The following TRIM26 variants were observed in gnomAD, a reference collection of about 807,000 sequenced individuals.
TRIM26 encodes tripartite motif containing 26, also known as tripartite motif-containing protein 26.
In TRIM26, 16 loss-of-function variants were observed where a neutral mutation model predicts 45.5. The observed-to-expected ratio is 0.35, with a 90% CI of 0.24 to 0.53. The LOEUF is 0.53. Among genes scored for constraint, TRIM26 ranks in the 20% least tolerant of loss-of-function variants. TRIM26 has a pLI of 0.92. For missense variants in TRIM26, 442 were observed against 691.1 expected, an observed-to-expected ratio of 0.64 and a Z score of 4.04; for synonymous variants, 273 against 290.4, an observed-to-expected ratio of 0.94 and a Z score of 0.61.
chr6:30,198,894 T>C lies in TRIM26; in HGVS notation c.210A>G (p.Gln70=). 1 of 1,612,844 alleles carries C rather than the reference T, an allele frequency of 6.2e-7. No homozygotes were observed. The highest frequency in any genetic ancestry group is 2.2e-5 in the East Asian group (1 of 44,872). ...CAATGTTCTCCACCAGGCTGGCCAG[T>C]TGCCACACGGGTCGGATGTTCTCCT... ...FKKENIRPVW[Q]LASLVENIER... is the part of the protein sequence containing the mutation. The change falls in exon 4 of 10, where the codon CAA becomes CAG. Residue 70 remains glutamine (Q), a synonymous_variant. Transcript: ENST00000454678. This position sits in a 1 kb window ranked among gnomAD's most constrained non-coding sequence, Gnocchi z 6.3.
chr6:30,193,130 ACATATATGTGTG>A (rs768408592), intron 6 of TRIM26, among the ~76,000 whole-genome samples: 1,306 of 63,302 alleles, frequency 0.021, 83 homozygotes, highest in East Asian at 0.053. Flanking sequence ...ATATATATAT[ACATATATGTGTG>A]TGTGTGTGTG....
At position 30,196,790 on chromosome 6, in the gene TRIM26, G is replaced by C; in HGVS notation, c.535-44C>G. On this transcript the variant is annotated intron_variant, in intron 5 of 9. Transcript: ENST00000454678. This position sits in a 1 kb window ranked among gnomAD's most constrained non-coding sequence, Gnocchi z 4.9. Reference sequence around the variant, plus strand: ...GGAGAAGGGCTGACACCTCTGCTCAGGGTGGAGGGCCCAGTGCTGGAGGTG... The same window carrying C: ...GGAGAAGGGCTGACACCTCTGCTCACGGTGGAGGGCCCAGTGCTGGAGGTG... The C allele has an allele frequency of 6.3e-7, 1 of 1,599,866 alleles. No individual in the cohort carries two copies. Among genetic ancestry groups the C allele is most frequent in the East Asian group, 2.2e-5 (1 of 44,700 alleles).
rs1369656785 is a variant in TRIM26 at position 30,198,932 on chromosome 6, T to C, written c.172A>G (p.Lys58Glu). ...GSRPVCPLCK[K>E]PFKKENIRPV... ...CGGATGTTCTCCTTCTTAAAAGGCT[T>C]CTTGCAGAGTGGGCAGACGGGGCGG... Residue 58 changes from lysine (K) to glutamate (E), a missense_variant, in exon 4 of 10, where the codon AAG becomes GAG. Physicochemically the swap from Lys to Glu is moderately conservative, Grantham distance 56. Coordinates refer to ENST00000454678, the MANE Select transcript of TRIM26 (RefSeq NM_003449.5). The surrounding 1 kb of genome is among the most constrained non-coding windows in gnomAD (Gnocchi z 6.3). The C allele has an allele frequency of 3.1e-6, 5 of 1,612,692 alleles. No homozygotes were observed. Among genetic ancestry groups the C allele is most frequent in the Non-Finnish European group, 4.2e-6 (5 of 1,179,910 alleles).
Position 30,196,766 on chromosome 6 carries a change from G to C in TRIM26, c.535-20C>G, listed in dbSNP as rs145066830. ...CTTCTTCTGCAGGGGGCAGGAAGGG[G>C]AGAAGGGCTGACACCTCTGCTCAGG... On this transcript the variant is annotated intron_variant, in intron 5 of 9. Transcript: ENST00000454678. The surrounding 1 kb of genome is among the most constrained non-coding windows in gnomAD (Gnocchi z 4.9). 3,320 of 1,613,120 alleles carry C rather than the reference G, an allele frequency of 2.1e-3. 13 individuals carry two copies. The highest frequency in any genetic ancestry group is 0.012 in the African/African-American group (899 of 75,036).
intron 6 of TRIM26, among the ~76,000 whole-genome samples, chr6:30,191,577 G>A (rs1364831977): frequency 1.3e-5 from 2 of 152,110 alleles, no homozygotes; most frequent in Non-Finnish European, 2.9e-5. Context: ...AGGGGCCGGT[G>A]GGGTGCAGGC....
Position 30,190,058 on chromosome 6 carries a change from C to A in TRIM26, c.766-23G>T. ...GTCCTAGAAGGGAAAGAAAAAAGCA[C>A]AAGTATCAATATGAATCAAATAAGA... On this transcript the variant is annotated intron_variant, in intron 6 of 9. Transcript: ENST00000454678. This position sits in a 1 kb window ranked among gnomAD's most constrained non-coding sequence, Gnocchi z 4.3. 1 of 1,612,620 alleles carries A rather than the reference C, an allele frequency of 6.2e-7. No homozygotes were observed. The highest frequency in any genetic ancestry group is 8.5e-7 in the Non-Finnish European group (1 of 1,179,700).
Position 30,198,642 on chromosome 6 carries a change from C to T in TRIM26, c.438+24G>A. The T allele has an allele frequency of 6.2e-7, 1 of 1,603,770 alleles. No individual in the cohort carries two copies. The highest frequency in any genetic ancestry group is 8.5e-7 in the Non-Finnish European group (1 of 1,176,112). On this transcript the variant is annotated intron_variant, in intron 4 of 9. Transcript: ENST00000454678. The surrounding 1 kb of genome is among the most constrained non-coding windows in gnomAD (Gnocchi z 6.3). ...AGCATCCAGAGAAGGTGGCAAGGCACCCTCGGGGGTGAAGAGGGCTTACCC... is the reference window on the plus strand; with the variant it reads ...AGCATCCAGAGAAGGTGGCAAGGCATCCTCGGGGGTGAAGAGGGCTTACCC...
In TRIM26 at chr6:30,189,608, A is replaced by C; in HGVS notation, c.789-75T>G. 1.1e-5 allele frequency: 14 copies of C among 1,258,184 alleles called. No homozygotes were observed. The highest frequency in any genetic ancestry group is 1.6e-5 in the Non-Finnish European group (14 of 866,222). The allele number at this position is 1,258,184 out of a possible 1,614,324, so 77.9% of individuals were successfully genotyped here. A position where few individuals can be genotyped will look rare whatever the true frequency, so the allele number is the denominator to read the frequency against. On this transcript the variant is annotated intron_variant, in intron 7 of 9. Transcript: ENST00000454678. The surrounding 1 kb of genome is among the most constrained non-coding windows in gnomAD (Gnocchi z 5.0). ...CCTTCATACTTATCTCTCAATCCTC[A>C]TGGCAATTATGAAGGGGAGAGGAAA...
chr6:30,186,241 A>G lies in TRIM26; in HGVS notation c.1255T>C (p.Leu419=), dbSNP rs750845890. The G allele has an allele frequency of 1.9e-6, 3 of 1,600,048 alleles. No individual in the cohort carries two copies. The highest frequency in any genetic ancestry group is 2.6e-6 in the Non-Finnish European group (3 of 1,173,258). Reference sequence around the variant, plus strand: ...TCCTCTTCTTCCTCTTCATCGCCCAACGATTCCTCATCTTCGTCCGTTTCC... The same window carrying G: ...TCCTCTTCTTCCTCTTCATCGCCCAGCGATTCCTCATCTTCGTCCGTTTCC... ...DWETDEDEES[L]GDEEEEEEEE... is the part of the protein sequence containing the mutation. Residue 419 remains leucine (L), a synonymous_variant, in exon 10 of 10, where the codon TTG becomes CTG. Transcript: ENST00000454678. This position sits in a 1 kb window ranked among gnomAD's most constrained non-coding sequence, Gnocchi z 7.4.
At chr6:30,208,515 C>CTT (rs35809533) in intron 1 of TRIM26, among the ~76,000 whole-genome samples, 15 of 128,214 alleles carry the variant, frequency 1.2e-4, no homozygotes, top group South Asian at 7.4e-4. Context: ...AATTTTTTTC[C>CTT]TTTTTTTTTT....
intron 6 of TRIM26, among the ~76,000 whole-genome samples, chr6:30,193,182 A>T (rs9261553): frequency 0.16 from 6,110 of 38,874 alleles, 683 homozygotes; most frequent in Middle Eastern, 0.2. Flanking sequence ...ATATATATAT[A>T]TTTTTTTTTT....
At chr6:30,195,593 C>T (rs886217183) in intron 6 of TRIM26, among the ~76,000 whole-genome samples, 3 of 151,984 alleles carry the variant, frequency 2.0e-5, no homozygotes, top group Admixed American at 6.5e-5. Context: ...AGCAGGTGGC[C>T]GCCTCCTTCT....
chr6:30,186,797 A>G lies in TRIM26; in HGVS notation c.938-239T>C. On this transcript the variant is annotated intron_variant, in intron 9 of 9. Coordinates refer to ENST00000454678, the MANE Select transcript of TRIM26 (RefSeq NM_003449.5). This position sits in a 1 kb window ranked among gnomAD's most constrained non-coding sequence, Gnocchi z 7.4. ...ACATGATATACTGAAATTTAACTTG[A>G]CTGTTTTCGCTTACGCTCTGATTCC... is the stretch of plus-strand genomic sequence containing the variant. 9.0e-7 allele frequency: 1 copy of G among 1,107,744 alleles called. No homozygotes were observed. The allele number at this position is 1,107,744 out of a possible 1,614,324, so 68.6% of individuals were successfully genotyped here.
intron 2 of TRIM26, among the ~76,000 whole-genome samples, chr6:30,202,561 G>A (rs888002124): frequency 6.6e-6 from 1 of 152,242 alleles, no homozygotes; most frequent in Non-Finnish European, 1.5e-5. Flanking sequence ...GTCATCAGCA[G>A]ACGGGGCAAA....
At chr6:30,202,453 ACC>A (rs1202215089) in intron 2 of TRIM26, among the ~76,000 whole-genome samples, 1 of 152,210 alleles carries the variant, frequency 6.6e-6, no homozygotes, top group African/African-American at 2.4e-5. Context: ...ATGAGATAGT[ACC>A]CATGGTGCCA....
intron 2 of TRIM26, among the ~76,000 whole-genome samples, chr6:30,204,133 T>G (rs1777479150): frequency 6.6e-6 from 1 of 152,220 alleles, no homozygotes; most frequent in Admixed American, 6.5e-5. Flanking sequence ...ACCACTTCTA[T>G]GACCAATCCC....
chr6:30,210,947 C>T (rs948769020), intron 1 of TRIM26, among the ~76,000 whole-genome samples: 10 of 152,166 alleles, frequency 6.6e-5, no homozygotes, highest in Admixed American at 1.3e-4. Flanking sequence ...ACGGAAACCA[C>T]GGAAAACTAA....
At chr6:30,205,067 C>G (rs577902017) in intron 1 of TRIM26, among the ~76,000 whole-genome samples, 1 of 151,972 alleles carries the variant, frequency 6.6e-6, no homozygotes, top group Non-Finnish European at 1.5e-5. Flanking sequence ...CAAGGAGAAA[C>G]CCCATCTCTA....
chr6:30,200,922 A>G (rs1356650725), intron 3 of TRIM26, 113 bp downstream of exon 3: 1 of 152,304 alleles, frequency 6.6e-6, no homozygotes, highest in Non-Finnish European at 1.5e-5. Context: ...GTGAGTGTCC[A>G]AACCACAAAC....
Sources: gnomAD v4.1 joint callset for allele counts (sites outside exome capture counted in the v4.1 genomes callset) on GRCh38, gnomAD v4.1.1 for gene constraint, Gnocchi (gnomAD v3.1) non-coding constraint, MANE v1.5 for transcripts, NCBI Gene and HGNC (gene_info 2026-07-23, HGNC 2026-07-21) for gene names.